TSHZ2: variants seen among roughly 807,000 people sequenced by gnomAD.
The protein encoded by TSHZ2 is teashirt homolog 2.
A neutral mutation model predicts 74.4 loss-of-function variants in TSHZ2; 21 were observed. The observed-to-expected ratio is 0.28, with a 90% CI of 0.20 to 0.41. The LOEUF is 0.41. Among genes scored for constraint, TSHZ2 ranks in the 10% least tolerant of loss-of-function variants. The pLI is 1.00. For missense variants in TSHZ2, 1,244 were observed against 1,293.5 expected (o/e 0.96, Z 0.59); for synonymous variants, 540 against 515.3 (o/e 1.05, Z -0.65).
rs114074852 is a variant in TSHZ2 at position 53,004,541 on chromosome 20, G to A, written c.40+31208G>A. ...CCAGAAGAACAAAAACAGAGAAAAG[G>A]CATTTACGCTTAGCAGTCCAGACCT... On this transcript the variant is annotated intron_variant, in intron 1 of 2. Transcript: ENST00000371497. 6.6e-3 allele frequency among the ~76,000 whole-genome samples: 1,000 copies of A among 152,232 alleles called. 17 individuals are homozygous for A. The highest frequency in any genetic ancestry group is 0.023 in the African/African-American group (947 of 41,540).
At chr20:53,325,532 T>G (rs1288587487) in intron 2 of TSHZ2, among the ~76,000 whole-genome samples, 1 of 152,174 alleles carries the variant, frequency 6.6e-6, no homozygotes, top group African/African-American at 2.4e-5. Context: ...ACTCCTCCCC[T>G]GGGCGGGACT....
intron 2 of TSHZ2, among the ~76,000 whole-genome samples, chr20:53,469,281 C>T (rs1247145140): frequency 6.6e-6 from 1 of 151,588 alleles, no homozygotes; most frequent in Non-Finnish European, 1.5e-5. Context: ...CAGTGGATCA[C>T]ACCTGTAATC....
intron 1 of TSHZ2, among the ~76,000 whole-genome samples, chr20:53,096,820 A>T (rs1986063295): frequency 6.6e-6 from 1 of 151,894 alleles, no homozygotes; most frequent in African/African-American, 2.4e-5. Flanking sequence ...AGGCAGAGGT[A>T]GCAGTGAGGT....
chr20:53,002,849 A>T (rs1182553207), intron 1 of TSHZ2, among the ~76,000 whole-genome samples: 1 of 152,150 alleles, frequency 6.6e-6, no homozygotes, highest in African/African-American at 2.4e-5. Context: ...CAGTTATCTC[A>T]GTTTTTTAAT....
intron 1 of TSHZ2, among the ~76,000 whole-genome samples, chr20:53,245,201 T>C (rs1990173491): frequency 6.6e-6 from 1 of 152,178 alleles, no homozygotes; most frequent in Non-Finnish European, 1.5e-5. Context: ...TATTCCTATT[T>C]TATAGATGAG....
At chr20:52,987,306 C>T (rs906806030) in intron 1 of TSHZ2, among the ~76,000 whole-genome samples, 1 of 152,112 alleles carries the variant, frequency 6.6e-6, no homozygotes, top group Non-Finnish European at 1.5e-5. Context: ...AGACCTACAG[C>T]CTAGAGATTC....
At chr20:53,010,092 C>T (rs1263351347) in intron 1 of TSHZ2, among the ~76,000 whole-genome samples, 5 of 152,096 alleles carry the variant, frequency 3.3e-5, no homozygotes, top group South Asian at 2.1e-4. Context: ...TCCTCATCCT[C>T]GTATGTAAAT....
chr20:53,032,760 G>A (rs1478918380), intron 1 of TSHZ2, among the ~76,000 whole-genome samples: 2 of 149,116 alleles, frequency 1.3e-5, no homozygotes, highest in African/African-American at 2.5e-5. Flanking sequence ...TTTTTTTTCC[G>A]ACTCCTTTCT....
chr20:52,978,044 A>T (rs1177908930), intron 1 of TSHZ2, among the ~76,000 whole-genome samples: 2 of 152,172 alleles, frequency 1.3e-5, no homozygotes, highest in Non-Finnish European at 2.9e-5. Context: ...TATTTTTAGG[A>T]GGTCGGTCCC....
At chr20:53,129,555 C>G (rs1392862308) in intron 1 of TSHZ2, among the ~76,000 whole-genome samples, 1 of 152,108 alleles carries the variant, frequency 6.6e-6, no homozygotes, top group Non-Finnish European at 1.5e-5. Flanking sequence ...TAGATAGATA[C>G]TGTTGGATAA....
intron 1 of TSHZ2, among the ~76,000 whole-genome samples, chr20:53,227,498 A>G (rs1054064930): frequency 4.0e-5 from 6 of 151,854 alleles, no homozygotes; most frequent in Non-Finnish European, 5.9e-5. Flanking sequence ...ACACACACAC[A>G]CAGAGTAATA....
At chr20:53,322,476 A>T (rs189922) in intron 2 of TSHZ2, among the ~76,000 whole-genome samples, 1 of 151,620 alleles carries the variant, frequency 6.6e-6, no homozygotes, top group African/African-American at 2.4e-5. Flanking sequence ...TGGCACCACC[A>T]CATTCCAGCC....
chr20:53,186,239 TTA>T (rs1405682035), intron 1 of TSHZ2, among the ~76,000 whole-genome samples: 2 of 152,228 alleles, frequency 1.3e-5, no homozygotes, highest in African/African-American at 4.8e-5. Flanking sequence ...GCAGGAATAA[TTA>T]TACCATTACA....
intron 1 of TSHZ2, among the ~76,000 whole-genome samples, chr20:53,042,009 G>C (rs1170150988): frequency 6.6e-6 from 1 of 152,138 alleles, no homozygotes; most frequent in East Asian, 1.9e-4. Context: ...TTCCTGGAAG[G>C]AAATAAGCCT....
intron 1 of TSHZ2, among the ~76,000 whole-genome samples, chr20:53,250,217 G>T (rs1381619018): frequency 6.6e-6 from 1 of 152,212 alleles, no homozygotes; most frequent in Non-Finnish European, 1.5e-5. Flanking sequence ...CAGTTCTTTT[G>T]TCCTGTGCTT....
At chr20:53,449,598 C>T (rs556138764) in intron 2 of TSHZ2, among the ~76,000 whole-genome samples, 4 of 152,142 alleles carry the variant, frequency 2.6e-5, no homozygotes, top group South Asian at 2.1e-4. Flanking sequence ...ATGAACTCAC[C>T]AACTATTCCC....
At chr20:53,139,988 T>C (rs1377392139) in intron 1 of TSHZ2, among the ~76,000 whole-genome samples, 2 of 152,086 alleles carry the variant, frequency 1.3e-5, no homozygotes, top group Non-Finnish European at 2.9e-5. Flanking sequence ...TTTGCCTCAC[T>C]GGATCTTAAT....
chr20:53,086,996 C>T (rs1411537750), intron 1 of TSHZ2, among the ~76,000 whole-genome samples: 1 of 152,124 alleles, frequency 6.6e-6, no homozygotes, highest in East Asian at 1.9e-4. Context: ...TGGAGGGTTT[C>T]ATGCTAGATA....
chr20:53,441,579 C>T (rs773288542), intron 2 of TSHZ2, among the ~76,000 whole-genome samples: 79 of 150,642 alleles, frequency 5.2e-4, no homozygotes, highest in Non-Finnish European at 1.3e-4. Flanking sequence ...AGCCACCACG[C>T]CCAGCCTCGT....
Sources: gnomAD v4.1 joint callset for allele counts (sites outside exome capture counted in the v4.1 genomes callset) on GRCh38, gnomAD v4.1.1 for gene constraint, MANE v1.5 for transcripts, NCBI Gene and HGNC (gene_info 2026-07-23, HGNC 2026-07-21) for gene names.